Variants in GGA1 observed in about 807,000 individuals in gnomAD.
GGA1 encodes the protein ADP-ribosylation factor-binding protein GGA1.
A neutral mutation model predicts 76.9 loss-of-function variants in GGA1; 18 were observed. The ratio of observed to expected loss-of-function variants is 0.23; its 90% CI spans 0.16 to 0.35. The LOEUF is 0.35. Among genes scored for constraint, GGA1 ranks in the 10% least tolerant of loss-of-function variants. GGA1 has a pLI of 1.00. For synonymous variants in GGA1, 342 were observed against 354.7 expected (o/e 0.96, Z 0.40); for missense variants, 755 against 859.0 (o/e 0.88, Z 1.51).
chr22:37,628,278 C>A (rs1386531562), intron 11 of GGA1, among the ~76,000 whole-genome samples: 1 of 152,166 alleles, frequency 6.6e-6, no homozygotes, highest in Non-Finnish European at 1.5e-5. Context: ...GGGGTAGAGT[C>A]TCTATGCTGC....
At chr22:37,620,412 C>T (rs1462790579) in intron 5 of GGA1, 51 bp downstream of exon 5, 38 of 1,603,998 alleles carry the variant, frequency 2.4e-5, no homozygotes, top group Admixed American at 8.4e-5. Context: ...TCCCCTCCCC[C>T]ACCATGAGCT....
At chr22:37,609,328 TCTGGCCCTGCATGGCGTTC>T (rs1448714310) in intron 1 of GGA1, 1 of 1,101,994 alleles carries the variant, frequency 9.1e-7, no homozygotes, top group Non-Finnish European at 1.1e-6. Flanking sequence ...TCCTCCACTC[TCTGGCCCTGCATGGCGTTC>T]CTGGAGCCCG....
chr22:37,626,024 C>G (rs1930760460), intron 11 of GGA1, 75 bp downstream of exon 11: 29 of 1,225,412 alleles, frequency 2.4e-5, no homozygotes, highest in Non-Finnish European at 3.0e-5. Context: ...CCACTCACAG[C>G]TAGCGGAACC....
Position 37,609,163 on chromosome 22 carries a change from C to T in GGA1, c.43+260C>T, listed in dbSNP as rs972797483. The T allele has an allele frequency of 3.5e-6, 5 of 1,443,728 alleles. No homozygotes were observed. In the Admixed American group the frequency reaches 7.4e-5, roughly 21 times the overall value. The allele number at this position is 1,443,728 out of a possible 1,614,324, so 89.4% of individuals were successfully genotyped here. A position where few individuals can be genotyped will look rare whatever the true frequency, so the allele number is the denominator to read the frequency against. ...GACCCCTGGGACGGCGAGTGAGCTG[C>T]GCCGGGAACCCCCGGGACGGAGAGA... On this transcript the variant is annotated intron_variant, in intron 1 of 16. Coordinates refer to ENST00000343632, the MANE Select transcript of GGA1 (RefSeq NM_013365.5).
At chr22:37,627,900 C>G (rs1056052091) in intron 11 of GGA1, among the ~76,000 whole-genome samples, 2 of 152,168 alleles carry the variant, frequency 1.3e-5, no homozygotes. Flanking sequence ...GGAGGGTGTT[C>G]AGGCAGCCTT....
At chr22:37,609,297 C>T in intron 1 of GGA1, 2 of 1,118,482 alleles carry the variant, frequency 1.8e-6, no homozygotes, top group Non-Finnish European at 2.2e-6. Context: ...GGGAGGGACC[C>T]TACTATTTTC....
At position 37,623,664 on chromosome 22, in the gene GGA1, C is replaced by T. The variant is rs1178830030; in HGVS notation, c.832+31C>T. Reference sequence around the variant, plus strand: ...CCCAGGGCAGGTGCTGAGGTCAGGTCCCCCCCTCTCCCTCCACCTCCTGCC... The same window carrying T: ...CCCAGGGCAGGTGCTGAGGTCAGGTTCCCCCCTCTCCCTCCACCTCCTGCC... On this transcript the variant is annotated intron_variant, in intron 9 of 16. Coordinates refer to ENST00000343632, the MANE Select transcript of GGA1 (RefSeq NM_013365.5). The surrounding 1 kb of genome is among the most constrained non-coding windows in gnomAD (Gnocchi z 4.6). 2 of 1,378,468 alleles carry T rather than the reference C, an allele frequency of 1.5e-6. No individual in the cohort carries two copies. Among genetic ancestry groups the T allele is most frequent in the African/African-American group, 1.4e-5 (1 of 69,926 alleles). The allele number at this position is 1,378,468 out of a possible 1,614,324, so 85.4% of individuals were successfully genotyped here.
chr22:37,632,243 T>A lies in GGA1; in HGVS notation c.1698+78T>A. On this transcript the variant is annotated intron_variant, in intron 15 of 16. Coordinates refer to ENST00000343632, the MANE Select transcript of GGA1 (RefSeq NM_013365.5). This position sits in a 1 kb window ranked among gnomAD's most constrained non-coding sequence, Gnocchi z 5.1. ...ATGGAGCTGGGTGGGGAGCCACCTG[T>A]CAGGGGGCAGGTCTCCCTCCCTTGC... The A allele has an allele frequency of 1.4e-6, 2 of 1,436,842 alleles. No homozygotes were observed. The highest frequency in any genetic ancestry group is 1.9e-6 in the Non-Finnish European group (2 of 1,033,876). The allele number at this position is 1,436,842 out of a possible 1,614,324, so 89.0% of individuals were successfully genotyped here. A position where few individuals can be genotyped will look rare whatever the true frequency, so the allele number is the denominator to read the frequency against.
chr22:37,614,287 C>G lies in GGA1; in HGVS notation c.128+13C>G. The G allele has an allele frequency of 6.3e-7, 1 of 1,594,088 alleles. No individual in the cohort carries two copies. Among genetic ancestry groups the G allele is most frequent in the Middle Eastern group, 1.7e-4 (1 of 6,034 alleles). ...AGGACTTTGAGGGGTAGGTGGCCGT[C>G]CCCACTTGTTTGCACTGCCCTGCAC... On this transcript the variant is annotated intron_variant, in intron 2 of 16. Transcript: ENST00000343632.
Position 37,623,482 on chromosome 22 carries a change from C to T in GGA1, c.750+15C>T, listed in dbSNP as rs1172742037. ...ACCTCATGAAGGTGCACCTGCCTCC[C>T]TGCCTACCCCACTCCCTGCCCACTC... is the stretch of plus-strand genomic sequence containing the variant. On this transcript the variant is annotated intron_variant, in intron 8 of 16. Coordinates refer to ENST00000343632, the MANE Select transcript of GGA1 (RefSeq NM_013365.5). The surrounding 1 kb of genome is among the most constrained non-coding windows in gnomAD (Gnocchi z 4.6). The T allele has an allele frequency of 1.2e-6, 2 of 1,613,790 alleles. No homozygotes were observed. Among genetic ancestry groups the T allele is most frequent in the African/African-American group, 1.3e-5 (1 of 75,054 alleles).
rs200331822 is a variant in GGA1, at chr22:37,630,070, C to G, written c.1231C>G (p.Gln411Glu). 8.7e-5 allele frequency: 140 copies of G among 1,609,618 alleles called. No individual in the cohort carries two copies. In the East Asian group the frequency reaches 3.1e-3, roughly 35 times the overall value. ...CAGTATGGAAAGCCGACCCCCAGCG[C>G]AGACATCCCTGCCAGCAAGCAGCGG... is the stretch of plus-strand genomic sequence containing the variant. The part of the protein sequence containing the change: ...APSMESRPPA[Q>E]TSLPASSGLD... Residue 411 changes from glutamine (Q) to glutamate (E), a missense_variant, in exon 13 of 17, where the codon CAG becomes GAG. Transcript: ENST00000343632.
chr22:37,614,714 C>T (rs1394108060), intron 2 of GGA1, among the ~76,000 whole-genome samples: 1 of 152,242 alleles, frequency 6.6e-6, no homozygotes, highest in Non-Finnish European at 1.5e-5. Flanking sequence ...CACAGTGGCT[C>T]ATGCCTGTAA....
chr22:37,632,408 A>G lies in GGA1; in HGVS notation c.1702A>G (p.Met568Val). ...CCATCCTGCCATCTGCCCACAGGTT[A>G]TGAAGGTGAAGCTGCAGCCACCCTC... ...IVFQSAVPKV[M>V]KVKLQPPSGT... is the part of the protein sequence containing the mutation. The change falls in exon 16 of 17, where the codon ATG becomes GTG. Residue 568 changes from methionine (M) to valine (V), a missense_variant. Met to Val is a conservative substitution (Grantham distance 21). Coordinates refer to ENST00000343632, the MANE Select transcript of GGA1 (RefSeq NM_013365.5). The surrounding 1 kb of genome is among the most constrained non-coding windows in gnomAD (Gnocchi z 5.1). 1 of 1,606,974 alleles carries G rather than the reference A, an allele frequency of 6.2e-7. No individual in the cohort carries two copies. Among genetic ancestry groups the G allele is most frequent in the Non-Finnish European group, 8.5e-7 (1 of 1,173,638 alleles).
In GGA1 at chr22:37,631,918, C is replaced by A. The variant is rs545154701; in HGVS notation, c.1529-78C>A. Reference sequence around the variant, plus strand: ...CCAGTACAGCAGCCAGCTCCTGAGGCCAGCCGGGTGGGGGCTGGGGGCTGA... The same window carrying A: ...CCAGTACAGCAGCCAGCTCCTGAGGACAGCCGGGTGGGGGCTGGGGGCTGA... On this transcript the variant is annotated intron_variant, in intron 14 of 16. Transcript: ENST00000343632. 377 of 1,349,820 alleles carry A rather than the reference C, an allele frequency of 2.8e-4. 2 individuals are homozygous for A. The East Asian group carries it at 7.6e-3, about 27-fold the overall frequency. The allele number at this position is 1,349,820 out of a possible 1,614,324, so 83.6% of individuals were successfully genotyped here.
intron 4 of GGA1, among the ~76,000 whole-genome samples, chr22:37,619,175 C>T (rs1045248391): frequency 6.6e-6 from 1 of 152,202 alleles, no homozygotes; most frequent in Non-Finnish European, 1.5e-5. Context: ...AAGCAATTCT[C>T]CTGCCTCAAC....
chr22:37,625,970 G>A lies in GGA1; in HGVS notation c.1093+21G>A. The stretch of plus-strand genomic sequence containing the variant: ...TCTGGGTGAGGAAGGGGCCAGGCCT[G>A]GAGGAGGGCGGGCTCAGCAGCAGAT... On this transcript the variant is annotated intron_variant, in intron 11 of 16. Coordinates refer to ENST00000343632, the MANE Select transcript of GGA1 (RefSeq NM_013365.5). The surrounding 1 kb of genome is among the most constrained non-coding windows in gnomAD (Gnocchi z 4.1). 1 of 1,556,234 alleles carries A rather than the reference G, an allele frequency of 6.4e-7. No homozygotes were observed. The highest frequency in any genetic ancestry group is 2.3e-5 in the East Asian group (1 of 43,618).
chr22:37,621,731 G>T, intron 7 of GGA1, 35 bp downstream of exon 7: 2 of 1,417,474 alleles, frequency 1.4e-6, no homozygotes, highest in East Asian at 2.5e-5. Flanking sequence ...GGAGGAGGCG[G>T]GATGGGGGTA....
intron 11 of GGA1, chr22:37,626,181 G>A (rs936107689): frequency 3.1e-5 from 12 of 385,184 alleles, no homozygotes; most frequent in Non-Finnish European, 5.1e-5. Flanking sequence ...AGCCGGCCTC[G>A]GATAAGCTAA....
rs1337460267 is a variant in GGA1, at chr22:37,623,344, G to A, written c.627G>A (p.Glu209=). Reference sequence around the variant, plus strand: ...GTCCCCAGGACCAGAAGCGGATGGAGAAGATCTCGAAGAGGGTGAATGCCA... The same window carrying A: ...GTCCCCAGGACCAGAAGCGGATGGAAAAGATCTCGAAGAGGGTGAATGCCA... ...EMVQEDQKRM[E]KISKRVNAIE... The change falls in exon 8 of 17, where the codon GAG becomes GAA. Residue 209 remains glutamate, a synonymous_variant. Transcript: ENST00000343632. This position sits in a 1 kb window ranked among gnomAD's most constrained non-coding sequence, Gnocchi z 4.6. 3.1e-6 allele frequency: 5 copies of A among 1,614,100 alleles called. No homozygotes were observed. The South Asian group carries it at 5.5e-5, about 18-fold the overall frequency.
Sources: allele counts gnomAD v4.1 joint callset (sites outside exome capture counted in the v4.1 genomes callset), GRCh38; gene constraint gnomAD v4.1.1; non-coding constraint Gnocchi (gnomAD v3.1); transcripts MANE v1.5; gene names NCBI Gene and HGNC (gene_info 2026-07-23, HGNC 2026-07-21).